Variants in IFRD2 observed in about 807,000 individuals in gnomAD.
IFRD2 encodes the protein interferon related developmental regulator 2.
A neutral mutation model predicts 49.2 loss-of-function variants in IFRD2; 35 were observed. The observed-to-expected ratio is 0.71, with a 90% confidence interval of 0.54 to 0.94. IFRD2 has a LOEUF of 0.94. Among genes scored for constraint, IFRD2 ranks in the 40% least tolerant of loss-of-function variants. The pLI is 0.00. For synonymous variants in IFRD2, 275 were observed against 239.7 expected, an observed-to-expected ratio of 1.15 and a Z score of -1.36; for missense variants, 561 against 591.6, an observed-to-expected ratio of 0.95 and a Z score of 0.54.
Position 50,289,528 on chromosome 3 carries a change from C to A in IFRD2, c.698G>T (p.Gly233Val). 1.3e-6 allele frequency: 2 copies of A among 1,582,448 alleles called. No individual in the cohort carries two copies. Among genetic ancestry groups the A allele is most frequent in the Non-Finnish European group, 1.7e-6 (2 of 1,164,610 alleles). The change falls in exon 7 of 12, where the codon GGC (glycine) becomes GTC (valine). Residue 233 changes from glycine to valine, a missense_variant. Gly to Val is a moderately radical substitution (Grantham distance 109, BLOSUM62 -3). Coordinates refer to ENST00000417626, the MANE Select transcript of IFRD2 (RefSeq NM_006764.5). ...GGCCTGCAGGGCAGCAGAGAGCAGG[C>A]CGTGCAGGCTGGCAGGAACCACAGG... Reference protein sequence around the residue: ...TSPVVPASLHGLLSAALQAWA... With the variant: ...TSPVVPASLHVLLSAALQAWA...
Position 50,288,988 on chromosome 3 carries a change from C to T in IFRD2, c.886-51G>A. ...GTGGTAGATGCTTGAGCTCTGCTGG[C>T]TCTGAACAGGGCACTGCCCAAACCC... On this transcript the variant is annotated intron_variant, in intron 8 of 11. Transcript: ENST00000417626. The T allele has an allele frequency of 1.9e-6, 3 of 1,595,326 alleles. No individual in the cohort carries two copies. In the South Asian group the frequency reaches 3.4e-5, roughly 18 times the overall value.
intron 1 of IFRD2, among the ~76,000 whole-genome samples, chr3:50,291,551 T>C (rs1553709807): frequency 6.6e-6 from 1 of 152,186 alleles, no homozygotes; most frequent in African/African-American, 2.4e-5. Context: ...AAACCCACCA[T>C]GGTGGTGACC....
At chr3:50,291,343 G>C (rs1553709789) in intron 1 of IFRD2, among the ~76,000 whole-genome samples, 1 of 152,034 alleles carries the variant, frequency 6.6e-6, no homozygotes, top group African/African-American at 2.4e-5. Context: ...CTACCTGCCG[G>C]AGCAGCCCAG....
intron 8 of IFRD2, 24 bp from the exon 9 acceptor site, chr3:50,288,961 G>A (rs782481298): frequency 3.1e-6 from 5 of 1,607,954 alleles, no homozygotes; most frequent in South Asian, 1.1e-5. Context: ...ATTGGAGGGT[G>A]TGTGGTAGAT....
rs1553709617 is a variant in IFRD2, at chr3:50,290,434, G to C, written c.217C>G (p.Leu73Val). The change falls in exon 3 of 12, where the codon CTT (leucine) becomes GTT (valine). Residue 73 changes from leucine (L) to valine (V), a missense_variant. By Grantham distance (32) the Leu-to-Val change is conservative. Transcript: ENST00000417626. ...ACATACTCCTTCAGCTTTTCCTCAA[G>C]GTCTTCCTGCTGGCCCTGCTCATCC... ...VVDEQGQQED[L>V]EEKLKEYVDC... The C allele has an allele frequency of 6.3e-7, 1 of 1,578,516 alleles. No homozygotes were observed. Among genetic ancestry groups the C allele is most frequent in the South Asian group, 1.2e-5 (1 of 86,658 alleles).
At position 50,290,613 on chromosome 3, in the gene IFRD2, C is replaced by A. The variant is rs1316435292; in HGVS notation, c.125G>T (p.Ser42Ile). Residue 42 changes from serine (S) to isoleucine (I), a missense_variant, in exon 2 of 12, where the codon AGC becomes ATC. Ser to Ile is a moderately radical substitution (Grantham distance 142). Coordinates refer to ENST00000417626, the MANE Select transcript of IFRD2 (RefSeq NM_006764.5). ...AAGGCTGGGGCATTCACTGGCGGTG[C>A]TGCGGGCCTCACTGGCTGCCTCATC... ...SDDEAASEAR[S>I]TASECPSLLS... The A allele has an allele frequency of 6.2e-7, 1 of 1,613,872 alleles. No homozygotes were observed. The highest frequency in any genetic ancestry group is 8.5e-7 in the Non-Finnish European group (1 of 1,179,904).
In IFRD2 at chr3:50,289,331, G is replaced by A; in HGVS notation, c.809C>T (p.Ser270Phe). ...GATCCGCAGGTTCACACTTTCACTGGACAAGAGCTGGGGCAGCCGGGGCAG... is the reference window on the plus strand; with the variant it reads ...GATCCGCAGGTTCACACTTTCACTGAACAAGAGCTGGGGCAGCCGGGGCAG... ...RQLPRLPQLL[S>F]SESVNLRIAA... Residue 270 changes from serine to phenylalanine, a missense_variant, in exon 8 of 12, where the codon TCC becomes TTC. Ser to Phe is a radical substitution (Grantham distance 155). Transcript: ENST00000417626. 1 of 1,601,028 alleles carries A rather than the reference G, an allele frequency of 6.2e-7. No homozygotes were observed. Among genetic ancestry groups the A allele is most frequent in the Non-Finnish European group, 8.5e-7 (1 of 1,174,072 alleles).
rs1553708924 is a variant in IFRD2, at chr3:50,288,323, T to TG, written c.1249-53dup. 9.4e-6 allele frequency: 15 copies of TG among 1,603,006 alleles called. No individual in the cohort carries two copies. The Admixed American group carries it at 1.0e-4, about 11-fold the overall frequency. On this transcript the variant is annotated intron_variant, in intron 11 of 11. Coordinates refer to ENST00000417626, the MANE Select transcript of IFRD2 (RefSeq NM_006764.5). ...CTGGGGAGCTGGGAAGGGAAAGGGCTGGGGGTCCTCTTCCGGCCTCTACAG... is the reference window on the plus strand; with the variant it reads ...CTGGGGAGCTGGGAAGGGAAAGGGCTGGGGGGTCCTCTTCCGGCCTCTACAG...
At position 50,288,419 on chromosome 3, in the gene IFRD2, C is replaced by T. The variant is rs868943738; in HGVS notation, c.1238G>A (p.Arg413His). ...CCCAAGGGTGCAAACCTTCTCAAAG[C>T]GTGGAACCTTGCAGGCCTTCAGGGC... ...ATALKACKVP[R>H]FEKHLYNAAA... The change falls in exon 11 of 12, where the codon CGC becomes CAC. Residue 413 changes from arginine (R) to histidine (H), a missense_variant. Physicochemically the swap from Arg to His is conservative, Grantham distance 29. Coordinates refer to ENST00000417626, the MANE Select transcript of IFRD2 (RefSeq NM_006764.5). The T allele has an allele frequency of 1.6e-5, 26 of 1,612,744 alleles. No homozygotes were observed. The highest frequency in any genetic ancestry group is 1.6e-4 in the Middle Eastern group (1 of 6,080).
chr3:50,288,550 C>T (rs1553708992), intron 10 of IFRD2, 33 bp downstream of exon 10: 7 of 1,613,868 alleles, frequency 4.3e-6, no homozygotes, highest in South Asian at 3.3e-5. Flanking sequence ...GAAGCAACCA[C>T]ACCAGATGTC....
rs370471265 is a variant in IFRD2 at position 50,288,406 on chromosome 3, A to G, written c.1248+3T>C. ...GAAGAGAAAGGTGCCCAAGGGTGCA[A>G]ACCTTCTCAAAGCGTGGAACCTTGC... On this transcript the variant is annotated splice_donor_region_variant and intron_variant, in intron 11 of 11. Coordinates refer to ENST00000417626, the MANE Select transcript of IFRD2 (RefSeq NM_006764.5). The G allele has an allele frequency of 1.2e-6, 2 of 1,611,908 alleles. 1 individual carries two copies. The highest frequency in any genetic ancestry group is 2.7e-5 in the African/African-American group (2 of 74,870).
In IFRD2 at chr3:50,288,575, C is replaced by T; in HGVS notation, c.1152+8G>A. ...CACCAGATGTCCCCTCCCTGTCCGT[C>T]CCCGCACCTGGAGGTGGTGGTGCAT... On this transcript the variant is annotated splice_region_variant and intron_variant, in intron 10 of 11. Transcript: ENST00000417626. The T allele has an allele frequency of 6.2e-7, 1 of 1,613,938 alleles. No individual in the cohort carries two copies. Among genetic ancestry groups the T allele is most frequent in the Non-Finnish European group, 8.5e-7 (1 of 1,179,862 alleles).
chr3:50,290,094 A>T lies in IFRD2; in HGVS notation c.389-8T>A. 1 of 1,613,396 alleles carries T rather than the reference A, an allele frequency of 6.2e-7. No homozygotes were observed. Among genetic ancestry groups the T allele is most frequent in the Non-Finnish European group, 8.5e-7 (1 of 1,179,526 alleles). On this transcript the variant is annotated splice_region_variant and splice_polypyrimidine_tract_variant and intron_variant, in intron 4 of 11. Coordinates refer to ENST00000417626, the MANE Select transcript of IFRD2 (RefSeq NM_006764.5). ...CTTGTTCCTCGCCCTTCCCTGTGGG[A>T]TGCTTTCCAGTCAGCCCATGCAGCA...
chr3:50,292,260 A>C lies in IFRD2; in HGVS notation c.15T>G (p.Arg5=), dbSNP rs587703638. 12 of 1,535,104 alleles carry C rather than the reference A, an allele frequency of 7.8e-6. No individual in the cohort carries two copies. The East Asian group carries it at 2.8e-4, about 36-fold the overall frequency. The change falls in exon 1 of 12, where the codon CGT becomes CGG. Residue 5 remains arginine (R), a synonymous_variant. Coordinates refer to ENST00000417626, the MANE Select transcript of IFRD2 (RefSeq NM_006764.5). MPRA[R]KGNTLRKGGQ... ...CACCCTTCCGGAGCGTGTTGCCCTT[A>C]CGGGCGCGAGGCATGCCGGGAACCG...
At chr3:50,291,901 G>A in intron 1 of IFRD2, 2 of 386,526 alleles carry the variant, frequency 5.2e-6, no homozygotes, top group Admixed American at 4.4e-5. Flanking sequence ...AAAGGATCAG[G>A]GTTTGGCAAG....
At chr3:50,290,515 A>G (rs587672272) in intron 2 of IFRD2, 43 bp from the exon 3 acceptor site, 1 of 1,604,434 alleles carries the variant, frequency 6.2e-7, no homozygotes, top group Admixed American at 1.7e-5. Flanking sequence ...TCCTCAGCCC[A>G]TGGAGCCCTC....
At chr3:50,291,983 G>C (rs1167476976) in intron 1 of IFRD2, 1 of 516,282 alleles carries the variant, frequency 1.9e-6, no homozygotes, top group Non-Finnish European at 3.3e-6. Context: ...GGGGCTGGCC[G>C]GGTCACCGCT....
rs1553709902 is a variant in IFRD2 at position 50,292,255 on chromosome 3, C to T, written c.20G>A (p.Gly7Asp). The T allele has an allele frequency of 6.5e-7, 1 of 1,531,530 alleles. No homozygotes were observed. Among genetic ancestry groups the T allele is most frequent in the Admixed American group, 2.1e-5 (1 of 47,546 alleles). 94.9% of individuals were successfully genotyped at this position (1,531,530 alleles called of 1,614,324 possible). ...CTGACCACCCTTCCGGAGCGTGTTG[C>T]CCTTACGGGCGCGAGGCATGCCGGG... MPRARK[G>D]NTLRKGGQRR... Residue 7 changes from glycine to aspartate, a missense_variant, in exon 1 of 12, where the codon GGC (glycine) becomes GAC (aspartate). Coordinates refer to ENST00000417626, the MANE Select transcript of IFRD2 (RefSeq NM_006764.5).
At position 50,292,235 on chromosome 3, in the gene IFRD2, C is replaced by T. The variant is rs1701692025; in HGVS notation, c.40G>A (p.Gly14Ser). ...CACTCACCTCCTCCACGGCGCTGAC[C>T]ACCCTTCCGGAGCGTGTTGCCCTTA... is the stretch of plus-strand genomic sequence containing the variant. ...ARKGNTLRKGGQRRGGGARSS... is the reference protein window; with the variant it reads ...ARKGNTLRKGSQRRGGGARSS... Residue 14 changes from glycine to serine, a missense_variant, in exon 1 of 12, where the codon GGT becomes AGT. Coordinates refer to ENST00000417626, the MANE Select transcript of IFRD2 (RefSeq NM_006764.5). 6.7e-7 allele frequency: 1 copy of T among 1,503,554 alleles called. No individual in the cohort carries two copies. 93.1% of individuals were successfully genotyped at this position (1,503,554 alleles called of 1,614,324 possible).
Sources: gnomAD v4.1 joint callset for allele counts (sites outside exome capture counted in the v4.1 genomes callset) on GRCh38, gnomAD v4.1.1 for gene constraint, MANE v1.5 for transcripts, NCBI Gene and HGNC (gene_info 2026-07-23, HGNC 2026-07-21) for gene names.